The following EDN3 variants were observed in gnomAD, a reference collection of about 807,000 sequenced individuals.
EDN3 encodes endothelin-3.
EDN3 carries 9 observed loss-of-function variants against 21.4 expected under a neutral mutation model. That is an observed-to-expected ratio of 0.42 (90% CI 0.25 to 0.73). The LOEUF (loss-of-function observed/expected upper bound fraction) is 0.73. Among genes scored for constraint, EDN3 ranks in the 30% least tolerant of loss-of-function variants. EDN3 has a pLI of 0.26. For synonymous variants in EDN3, 133 were observed against 126.2 expected (o/e 1.05, Z -0.36); for missense variants, 327 against 309.4 (o/e 1.06, Z -0.43).
intron 4 of EDN3, among the ~76,000 whole-genome samples, chr20:59,324,042 G>C (rs1184870554): frequency 6.6e-6 from 1 of 152,228 alleles, no homozygotes; most frequent in Non-Finnish European, 1.5e-5. Context: ...TCTCAGAGTG[G>C]AAGCTGTCAC....
chr20:59,304,602 T>A (rs763429206), intron 2 of EDN3, among the ~76,000 whole-genome samples: 1 of 152,160 alleles, frequency 6.6e-6, no homozygotes, highest in Non-Finnish European at 1.5e-5. Context: ...TGATCTTTGA[T>A]GGAAATTGCT....
intron 2 of EDN3, among the ~76,000 whole-genome samples, chr20:59,313,240 T>C (rs1393664940): frequency 6.6e-6 from 1 of 152,192 alleles, no homozygotes; most frequent in African/African-American, 2.4e-5. Flanking sequence ...ATTGAGATAT[T>C]GGGACTTGAT....
At chr20:59,317,384 C>G (rs1990249163) in intron 2 of EDN3, among the ~76,000 whole-genome samples, 1 of 152,194 alleles carries the variant, frequency 6.6e-6, no homozygotes, top group Non-Finnish European at 1.5e-5. Context: ...CTCACTTGAC[C>G]TCCCAGACCA....
rs754233637 is a variant in EDN3, at chr20:59,301,390, C to A, written c.53-20C>A. 1 of 1,604,716 alleles carries A rather than the reference C, an allele frequency of 6.2e-7. No individual in the cohort carries two copies. Among genetic ancestry groups the A allele is most frequent in the East Asian group, 2.2e-5 (1 of 44,854 alleles). ...GGTCTGCACACTCAGCTTAGGAGCC[C>A]CTCAATCTGCCTTCTGCAGGATTCG... On this transcript the variant is annotated intron_variant, in intron 1 of 4. Transcript: ENST00000337938.
rs1990595177 is a variant in EDN3, at chr20:59,322,278, C to T, written c.543-94C>T. 7.2e-7 allele frequency: 1 copy of T among 1,397,540 alleles called. No individual in the cohort carries two copies. The highest frequency in any genetic ancestry group is 1.0e-6 in the Non-Finnish European group (1 of 985,148). 86.6% of individuals were successfully genotyped at this position (1,397,540 alleles called of 1,614,324 possible). On this transcript the variant is annotated intron_variant, in intron 3 of 4. Coordinates refer to ENST00000337938, the MANE Select transcript of EDN3 (RefSeq NM_207034.3). This position sits in a 1 kb window ranked among gnomAD's most constrained non-coding sequence, Gnocchi z 4.1. ...TCCTTGGGGAACGCACTAATGTGCT[C>T]ATTGGTGGGGAAGAGGAAGTCATAA...
intron 2 of EDN3, among the ~76,000 whole-genome samples, chr20:59,313,462 T>C (rs986636130): frequency 3.9e-5 from 6 of 152,194 alleles, no homozygotes; most frequent in African/African-American, 1.4e-4. Flanking sequence ...TGAAAATGTA[T>C]GTGATACTGT....
chr20:59,301,537 C>T lies in EDN3; in HGVS notation c.180C>T (p.Gly60=), dbSNP rs1989028319. 5 of 1,612,908 alleles carry T rather than the reference C, an allele frequency of 3.1e-6. No individual in the cohort carries two copies. Among genetic ancestry groups the T allele is most frequent in the East Asian group, 2.2e-5 (1 of 44,860 alleles). ...VAGPGEETVA[G]PGEGTVAPTA... ...GCCCTGGCGAGGAGACTGTGGCTGG[C>T]CCTGGCGAGGGGACTGTGGCCCCGA... The change falls in exon 2 of 5, where the codon GGC becomes GGT. Residue 60 remains glycine, a synonymous_variant. Coordinates refer to ENST00000337938, the MANE Select transcript of EDN3 (RefSeq NM_207034.3).
rs1209481611 is a variant in EDN3, at chr20:59,300,619, A to T, written c.-194A>T. The T allele has an allele frequency of 4.9e-6, 3 of 607,804 alleles. No individual in the cohort carries two copies. The highest frequency in any genetic ancestry group is 1.9e-5 in the African/African-American group (1 of 52,796). 37.7% of individuals were successfully genotyped at this position (607,804 alleles called of 1,614,324 possible). ...CACAGCCGGCCAGCTCCGCGCAGGGATGGGCAGCGCGCTCTGAAAGTTTAT... is the reference window on the plus strand; with the variant it reads ...CACAGCCGGCCAGCTCCGCGCAGGGTTGGGCAGCGCGCTCTGAAAGTTTAT... On this transcript the variant is annotated 5_prime_UTR_variant, in exon 1 of 5. It removes an upstream start codon present in the reference 5' UTR. Transcript: ENST00000337938.
At chr20:59,308,861 C>T (rs1035716496) in intron 2 of EDN3, among the ~76,000 whole-genome samples, 1 of 152,198 alleles carries the variant, frequency 6.6e-6, no homozygotes, top group Non-Finnish European at 1.5e-5. Context: ...GGGTCCACCT[C>T]TTTGGACCTT....
At chr20:59,301,333 C>T (rs1253006623) in intron 1 of EDN3, 77 bp from the exon 2 acceptor site, 3 of 1,530,118 alleles carry the variant, frequency 2.0e-6, no homozygotes, top group African/African-American at 2.7e-5. Context: ...CCACCCCCCT[C>T]CTCAGGTGTT....
intron 2 of EDN3, among the ~76,000 whole-genome samples, chr20:59,304,119 C>T (rs1989235736): frequency 1.3e-5 from 2 of 151,332 alleles, no homozygotes; most frequent in Admixed American, 1.3e-4. Context: ...CCTTCTTTTC[C>T]CTCCCTCCTT....
At chr20:59,319,763 A>G (rs1231993151) in intron 2 of EDN3, among the ~76,000 whole-genome samples, 2 of 152,006 alleles carry the variant, frequency 1.3e-5, no homozygotes, top group Non-Finnish European at 2.9e-5. Flanking sequence ...AAAAAAAGAA[A>G]AGAAAAGAAA....
At position 59,300,881 on chromosome 20, in the gene EDN3, G is replaced by A; in HGVS notation, c.52+17G>A. 6.2e-7 allele frequency: 1 copy of A among 1,609,618 alleles called. No homozygotes were observed. The highest frequency in any genetic ancestry group is 1.1e-5 in the South Asian group (1 of 90,920). ...CCGCCGCAGGTAAGCGCACGGGGCGGCGCGCCTCTCCTGGCGCGAGCGCAC... is the reference window on the plus strand; with the variant it reads ...CCGCCGCAGGTAAGCGCACGGGGCGACGCGCCTCTCCTGGCGCGAGCGCAC... On this transcript the variant is annotated intron_variant, in intron 1 of 4. Coordinates refer to ENST00000337938, the MANE Select transcript of EDN3 (RefSeq NM_207034.3).
chr20:59,305,757 G>A lies in EDN3; in HGVS notation c.365+4035G>A, dbSNP rs538160496. ...CTGGAAGCAGAATTCTTTTCTGTTC[G>A]GGAACCTGTCTTTTCTGTGAAGGCC... is the stretch of plus-strand genomic sequence containing the variant. On this transcript the variant is annotated intron_variant, in intron 2 of 4. Coordinates refer to ENST00000337938, the MANE Select transcript of EDN3 (RefSeq NM_207034.3). This position sits in a 1 kb window ranked among gnomAD's most constrained non-coding sequence, Gnocchi z 4.2. Among the ~76,000 whole-genome samples the A allele has an allele frequency of 3.9e-5, 6 of 152,284 alleles. No homozygotes were observed. Among genetic ancestry groups the A allele is most frequent in the East Asian group, 1.9e-4 (1 of 5,184 alleles).
At chr20:59,317,553 C>G (rs1246878856) in intron 2 of EDN3, among the ~76,000 whole-genome samples, 1 of 152,182 alleles carries the variant, frequency 6.6e-6, no homozygotes, top group Non-Finnish European at 1.5e-5. Flanking sequence ...ATTACCAGGT[C>G]ATGTGTCTCT....
intron 2 of EDN3, among the ~76,000 whole-genome samples, chr20:59,316,325 G>A (rs1267813273): frequency 6.6e-6 from 1 of 152,206 alleles, no homozygotes; most frequent in Non-Finnish European, 1.5e-5. Context: ...AGTTTTACCC[G>A]GAGTCTAGTC....
At chr20:59,317,803 A>G (rs1990280783) in intron 2 of EDN3, among the ~76,000 whole-genome samples, 1 of 152,178 alleles carries the variant, frequency 6.6e-6, no homozygotes, top group South Asian at 2.1e-4. Flanking sequence ...GCCAGACTAG[A>G]ATGATCTCAC....
intron 2 of EDN3, among the ~76,000 whole-genome samples, chr20:59,311,858 A>C (rs185095444): frequency 6.6e-6 from 1 of 152,164 alleles, no homozygotes; most frequent in South Asian, 2.1e-4. Flanking sequence ...TTACACAAGG[A>C]CACAGACAAT....
rs1195901740 is a variant in EDN3, at chr20:59,322,428, C to T, written c.588+11C>T. ...GAAGAGGAAGGGAAGGTGAGAGGTG[C>T]CAACAGAGGCCTGTGTCAAAGGAGG... On this transcript the variant is annotated intron_variant, in intron 4 of 4. Transcript: ENST00000337938. This position sits in a 1 kb window ranked among gnomAD's most constrained non-coding sequence, Gnocchi z 4.1. 6.2e-7 allele frequency: 1 copy of T among 1,614,190 alleles called. No individual in the cohort carries two copies. The highest frequency in any genetic ancestry group is 1.7e-5 in the Admixed American group (1 of 60,016).
Sources: allele counts gnomAD v4.1 joint callset (sites outside exome capture counted in the v4.1 genomes callset), GRCh38; gene constraint gnomAD v4.1.1; non-coding constraint Gnocchi (gnomAD v3.1); transcripts MANE v1.5; gene names NCBI Gene and HGNC (gene_info 2026-07-23, HGNC 2026-07-21).